The following SLC5A12 variants were observed in gnomAD, a reference collection of about 807,000 sequenced individuals.
SLC5A12 encodes solute carrier family 5 member 12.
A neutral mutation model predicts 72.7 loss-of-function variants in SLC5A12; 46 were observed. The observed-to-expected ratio is 0.63, with a 90% CI of 0.50 to 0.81. The LOEUF is 0.81. SLC5A12 is among the 30% of genes least tolerant of loss of function. The probability of loss-of-function intolerance (pLI) is 0.00; values close to 1 mark genes in which losing one functional copy is unlikely to be tolerated. For synonymous variants in SLC5A12, 275 were observed against 264.4 expected (o/e 1.04, Z -0.39); for missense variants, 683 against 740.7 (o/e 0.92, Z 0.90).
At chr11:26,697,329 A>G (rs983932419) in intron 7 of SLC5A12, 77 bp from the exon 8 acceptor site, 2 of 1,301,412 alleles carry the variant, frequency 1.5e-6, no homozygotes, top group African/African-American at 3.0e-5. Flanking sequence ...AGAGAAAAAA[A>G]TAGGATTAGT....
intron 4 of SLC5A12, chr11:26,709,054 C>G: frequency 3.1e-6 from 1 of 326,260 alleles, no homozygotes; most frequent in Non-Finnish European, 5.6e-6. Flanking sequence ...ATCAAGAAGA[C>G]TTTTTCATTA....
intron 6 of SLC5A12, among the ~76,000 whole-genome samples, chr11:26,699,899 A>AT (rs931179792): frequency 3.3e-4 from 51 of 152,292 alleles, no homozygotes; most frequent in African/African-American, 1.2e-3. Context: ...ATATAAAATT[A>AT]TTTTTTTGGT....
chr11:26,678,420 C>T (rs1368067225), intron 13 of SLC5A12, among the ~76,000 whole-genome samples: 1 of 151,862 alleles, frequency 6.6e-6, no homozygotes, highest in Admixed American at 6.6e-5. Context: ...TGCTCTGTTG[C>T]CCAAGCTGGA....
intron 12 of SLC5A12, among the ~76,000 whole-genome samples, chr11:26,680,350 CAT>C (rs769129594): frequency 0.028 from 2,105 of 74,420 alleles, 159 homozygotes; most frequent in African/African-American, 0.073. Flanking sequence ...TATATATATT[CAT>C]ATATATATGT....
intron 7 of SLC5A12, 71 bp from the exon 8 acceptor site, chr11:26,697,323 A>G: frequency 7.3e-6 from 10 of 1,363,930 alleles, no homozygotes; most frequent in Non-Finnish European, 1.0e-5. Flanking sequence ...GAAGAGAGAG[A>G]AAAAAATAGG....
At chr11:26,712,800 C>A in intron 1 of SLC5A12, 94 bp from the exon 2 acceptor site, 2 of 713,178 alleles carry the variant, frequency 2.8e-6, no homozygotes, top group South Asian at 2.9e-5. Context: ...CTGTTGTGCT[C>A]TGGACTTGTA....
chr11:26,671,445 T>C (rs866743910), intron 14 of SLC5A12, among the ~76,000 whole-genome samples, 194 bp from the exon 15 acceptor site: 1 of 152,078 alleles, frequency 6.6e-6, no homozygotes, highest in Non-Finnish European at 1.5e-5. Context: ...CTAATGATAA[T>C]AACAGCAAAA....
chr11:26,717,681 C>T (rs929611477), intron 1 of SLC5A12, among the ~76,000 whole-genome samples: 1 of 152,082 alleles, frequency 6.6e-6, no homozygotes, highest in Non-Finnish European at 1.5e-5. Flanking sequence ...GCTCAAAAAC[C>T]AAAAATTTAT....
chr11:26,701,595 ATG>A (rs748833095), intron 6 of SLC5A12, among the ~76,000 whole-genome samples: 1 of 152,134 alleles, frequency 6.6e-6, no homozygotes, highest in Non-Finnish European at 1.5e-5. Context: ...ATATACAGAA[ATG>A]TGTGTGTATG....
Position 26,692,608 on chromosome 11 carries a change from G to A in SLC5A12, c.1041-7C>T. 6.2e-7 allele frequency: 1 copy of A among 1,603,146 alleles called. No individual in the cohort carries two copies. The highest frequency in any genetic ancestry group is 8.5e-7 in the Non-Finnish European group (1 of 1,170,090). On this transcript the variant is annotated splice_polypyrimidine_tract_variant and splice_region_variant and intron_variant, in intron 8 of 14. Coordinates refer to ENST00000396005, the MANE Select transcript of SLC5A12 (RefSeq NM_178498.4). The stretch of plus-strand genomic sequence containing the variant: ...GATGCTGGAAGCCACGGTGCTATAA[G>A]GAAAGAAAAGTGAGAACATGGTCTA...
Position 26,709,600 on chromosome 11 carries a change from G to A in SLC5A12, c.458-221C>T, listed in dbSNP as rs746645230. ...GTCCATACATTTCATGTAATGTTAA[G>A]TCAAATTGTTCCTCCTAAGATTTTG... On this transcript the variant is annotated intron_variant, in intron 3 of 14. Coordinates refer to ENST00000396005, the MANE Select transcript of SLC5A12 (RefSeq NM_178498.4). 1.4e-4 allele frequency among the ~76,000 whole-genome samples: 22 copies of A among 151,918 alleles called. 1 individual carries two copies. The highest frequency in any genetic ancestry group is 2.9e-5 in the Non-Finnish European group (2 of 67,972).
intron 11 of SLC5A12, 91 bp downstream of exon 11, chr11:26,683,666 G>T: frequency 1.9e-6 from 2 of 1,050,710 alleles, no homozygotes; most frequent in Non-Finnish European, 1.4e-6. Flanking sequence ...GGCTAAGACA[G>T]ATAGCTTTTC....
intron 6 of SLC5A12, among the ~76,000 whole-genome samples, chr11:26,702,238 T>G (rs1460075938): frequency 6.6e-6 from 1 of 152,228 alleles, no homozygotes; most frequent in Non-Finnish European, 1.5e-5. Flanking sequence ...GATTTGAGTA[T>G]ATTACCAGTG....
intron 3 of SLC5A12, 133 bp downstream of exon 3, chr11:26,711,174 A>T (rs2133211051): frequency 2.9e-6 from 2 of 687,058 alleles, no homozygotes; most frequent in East Asian, 2.8e-5. Flanking sequence ...TTATGTAATG[A>T]CTTCTAATAG....
intron 6 of SLC5A12, 83 bp downstream of exon 6, chr11:26,703,448 C>CACACACACA: frequency 3.4e-6 from 3 of 891,596 alleles, no homozygotes; most frequent in South Asian, 3.6e-5. Flanking sequence ...ACACACACAC[C>CACACACACA]CCCCAAGAGG....
intron 14 of SLC5A12, among the ~76,000 whole-genome samples, chr11:26,672,259 A>T (rs1017109349): frequency 6.6e-6 from 1 of 150,626 alleles, no homozygotes; most frequent in African/African-American, 2.4e-5. Flanking sequence ...TTTTCTGGAG[A>T]TAAGAGCAAT....
At position 26,673,397 on chromosome 11, in the gene SLC5A12, C is replaced by T. The variant is rs779358732; in HGVS notation, c.1707+5G>A. 1.0e-5 allele frequency: 16 copies of T among 1,547,718 alleles called. No individual in the cohort carries two copies. The highest frequency in any genetic ancestry group is 1.4e-5 in the Non-Finnish European group (16 of 1,148,790). On this transcript the variant is annotated splice_donor_5th_base_variant and intron_variant, in intron 14 of 14. Transcript: ENST00000396005. Reference sequence around the variant, plus strand: ...ACATTTTTAGAAGCTCAAACATCAGCTCACCTGCTCTGTCCCACTGTCATG... The same window carrying T: ...ACATTTTTAGAAGCTCAAACATCAGTTCACCTGCTCTGTCCCACTGTCATG...
At chr11:26,697,012 A>G (rs764382190) in intron 8 of SLC5A12, 152 bp downstream of exon 8, 2 of 651,502 alleles carry the variant, frequency 3.1e-6, no homozygotes, top group Non-Finnish European at 5.3e-6. Flanking sequence ...CTAGGCTCAT[A>G]TGTTGTGTAC....
chr11:26,709,314 G>T lies in SLC5A12; in HGVS notation c.523C>A (p.Leu175Met). Residue 175 changes from leucine (L) to methionine (M), a missense_variant and splice_region_variant, in exon 4 of 15, where the codon CTG becomes ATG. By Grantham distance (15) the Leu-to-Met change is conservative (BLOSUM62 2). Transcript: ENST00000396005. ...TGIVCTFYCT[L>M]GGLKAVVWTD... ...CTTCTTCACAGCTAGATACATACCA[G>T]GGTACAGTAGAATGTGCAAACAATT... The T allele has an allele frequency of 1.2e-6, 2 of 1,609,240 alleles. No individual in the cohort carries two copies. The highest frequency in any genetic ancestry group is 1.7e-6 in the Non-Finnish European group (2 of 1,176,892).
Sources: gnomAD v4.1 joint callset for allele counts (sites outside exome capture counted in the v4.1 genomes callset) on GRCh38, gnomAD v4.1.1 for gene constraint, MANE v1.5 for transcripts, NCBI Gene and HGNC (gene_info 2026-07-23, HGNC 2026-07-21) for gene names.